The following BBS9 variants were observed in gnomAD, a reference collection of about 807,000 sequenced individuals.
The protein encoded by BBS9 is protein PTHB1.
In BBS9, 89 loss-of-function variants were observed where a neutral mutation model predicts 117.7. The ratio of observed to expected loss-of-function variants is 0.76; its 90% CI spans 0.64 to 0.90. The LOEUF (loss-of-function observed/expected upper bound fraction) is 0.90, where lower values mean the gene tolerates loss of function less well. BBS9 is among the 40% of genes least tolerant of loss of function. The probability of loss-of-function intolerance (pLI) is 0.00; values close to 1 mark genes in which losing one functional copy is unlikely to be tolerated. For synonymous variants in BBS9, 379 were observed against 370.9 expected, an observed-to-expected ratio of 1.02 and a Z score of -0.25; for missense variants, 982 against 1,042.2, an observed-to-expected ratio of 0.94 and a Z score of 0.80.
At position 33,264,067 on chromosome 7, in the gene BBS9, G is replaced by C. The variant is rs1236549319; in HGVS notation, c.618-223G>C. ...TTGGTAGAGCTGTTTTCCCAACACTGAATAATGGACATATGGTTATAATTT... is the reference window on the plus strand; with the variant it reads ...TTGGTAGAGCTGTTTTCCCAACACTCAATAATGGACATATGGTTATAATTT... On this transcript the variant is annotated intron_variant, in intron 6 of 22. Coordinates refer to ENST00000242067, the MANE Select transcript of BBS9 (RefSeq NM_198428.3). Among the ~76,000 whole-genome samples, 5 of 152,070 alleles carry C rather than the reference G, an allele frequency of 3.3e-5. No homozygotes were observed. In the South Asian group the frequency reaches 1.0e-3, roughly 32 times the overall value.
intron 5 of BBS9, among the ~76,000 whole-genome samples, chr7:33,249,068 C>T (rs1056734453): frequency 7.2e-5 from 11 of 152,096 alleles, no homozygotes; most frequent in African/African-American, 2.7e-4. Flanking sequence ...GTTTGCTACA[C>T]CACTTACTCT....
At chr7:33,500,529 A>G (rs1470662892) in intron 19 of BBS9, among the ~76,000 whole-genome samples, 1 of 152,124 alleles carries the variant, frequency 6.6e-6, no homozygotes, top group Non-Finnish European at 1.5e-5. Context: ...AGCAGTTCCT[A>G]TCTCAGAGGG....
chr7:33,439,689 C>T (rs896803465), intron 19 of BBS9, among the ~76,000 whole-genome samples: 1 of 152,054 alleles, frequency 6.6e-6, no homozygotes, highest in African/African-American at 2.4e-5. Context: ...CCACCACGCC[C>T]AGCTAATTTT....
At chr7:33,357,585 A>C (rs1584476077) in intron 15 of BBS9, 1 of 480,234 alleles carries the variant, frequency 2.1e-6, no homozygotes, top group East Asian at 4.2e-5. Flanking sequence ...ATAGTATCCA[A>C]ATGTGATGAT....
At chr7:33,614,835 A>G (rs967014184) in intron 21 of BBS9, among the ~76,000 whole-genome samples, 7 of 152,108 alleles carry the variant, frequency 4.6e-5, no homozygotes, top group African/African-American at 1.7e-4. Context: ...GTGAGAGGAA[A>G]TCAAACGATT....
chr7:33,307,759 CA>C lies in BBS9; in HGVS notation c.1017-28681del, dbSNP rs1808329950. Among the ~76,000 whole-genome samples, 8 of 144,372 alleles carry C rather than the reference CA, an allele frequency of 5.5e-5. 1 individual carries two copies. The South Asian group carries it at 1.8e-3, about 32-fold the overall frequency. 94.7% of individuals were successfully genotyped at this position (144,372 alleles called of 152,430 possible). ...GAAAAAAGTCTTTGCGTGTTCAGTG[CA>C]GATGCAGCCATCTTTTTTTTTTTTT... On this transcript the variant is annotated intron_variant, in intron 9 of 22. Transcript: ENST00000242067.
intron 12 of BBS9, 63 bp from the exon 13 acceptor site, chr7:33,349,005 A>G: frequency 8.6e-7 from 1 of 1,157,444 alleles, no homozygotes; most frequent in Non-Finnish European, 1.3e-6. Flanking sequence ...TTAAGTAGTT[A>G]CGATAGTCTA....
chr7:33,487,937 A>T (rs1276691887), intron 19 of BBS9, among the ~76,000 whole-genome samples: 1 of 152,248 alleles, frequency 6.6e-6, no homozygotes, highest in Non-Finnish European at 1.5e-5. Context: ...ATAATTATCA[A>T]TATCCGAGGT....
At chr7:33,236,785 T>C (rs956259519) in intron 5 of BBS9, among the ~76,000 whole-genome samples, 24 of 152,072 alleles carry the variant, frequency 1.6e-4, no homozygotes, top group African/African-American at 5.8e-4. Context: ...GTGAGAACAT[T>C]AAAAATCTGT....
intron 9 of BBS9, among the ~76,000 whole-genome samples, chr7:33,283,402 T>C (rs1802278901): frequency 6.6e-6 from 1 of 152,184 alleles, no homozygotes; most frequent in African/African-American, 2.4e-5. Flanking sequence ...CAATTAATTA[T>C]TTGTATATAT....
chr7:33,581,230 G>A (rs942973815), intron 21 of BBS9, among the ~76,000 whole-genome samples: 1 of 152,008 alleles, frequency 6.6e-6, no homozygotes, highest in African/African-American at 2.4e-5. Flanking sequence ...TAGGACACTT[G>A]TTTCAAAAAT....
At chr7:33,209,405 T>C (rs1431770304) in intron 5 of BBS9, among the ~76,000 whole-genome samples, 1 of 152,192 alleles carries the variant, frequency 6.6e-6, no homozygotes, top group East Asian at 1.9e-4. Flanking sequence ...GCAAGAAACA[T>C]AGGAGTGCAG....
chr7:33,571,388 A>G lies in BBS9; in HGVS notation c.2522-33477A>G, dbSNP rs564734362. 2.6e-5 allele frequency among the ~76,000 whole-genome samples: 4 copies of G among 152,256 alleles called. No homozygotes were observed. In the East Asian group the frequency reaches 7.7e-4, roughly 29 times the overall value. On this transcript the variant is annotated intron_variant, in intron 21 of 22. Coordinates refer to ENST00000242067, the MANE Select transcript of BBS9 (RefSeq NM_198428.3). ...AAAATATTAAAGGAGACAAGAAAAA[A>G]GAAGAAAATGGGAGGACAACTGGAA...
At chr7:33,395,722 A>G (rs1412254777) in intron 19 of BBS9, among the ~76,000 whole-genome samples, 1 of 152,142 alleles carries the variant, frequency 6.6e-6, no homozygotes, top group Non-Finnish European at 1.5e-5. Context: ...CACTCTGTTT[A>G]TTTGTATGGT....
At chr7:33,584,836 GAAATGTT>G (rs1407830799) in intron 21 of BBS9, among the ~76,000 whole-genome samples, 1 of 152,078 alleles carries the variant, frequency 6.6e-6, no homozygotes, top group East Asian at 1.9e-4. Context: ...GATCTTCCTA[GAAATGTT>G]AAATGTTCTA....
At chr7:33,338,015 C>A (rs1462864753) in intron 10 of BBS9, among the ~76,000 whole-genome samples, 1 of 151,876 alleles carries the variant, frequency 6.6e-6, no homozygotes, top group African/African-American at 2.4e-5. Flanking sequence ...TAGTGATGAC[C>A]TTGGGTGAGA....
At chr7:33,247,552 C>T (rs1240414885) in intron 5 of BBS9, among the ~76,000 whole-genome samples, 2 of 152,136 alleles carry the variant, frequency 1.3e-5, no homozygotes, top group Non-Finnish European at 2.9e-5. Context: ...TTGGGAAACT[C>T]TTTCTCAACC....
At chr7:33,419,883 C>T (rs904253089) in intron 19 of BBS9, among the ~76,000 whole-genome samples, 3 of 151,886 alleles carry the variant, frequency 2.0e-5, no homozygotes, top group African/African-American at 4.8e-5. Flanking sequence ...ATCTTTATGT[C>T]ACATCAAAGA....
At chr7:33,342,944 CA>C (rs1310098246) in intron 11 of BBS9, among the ~76,000 whole-genome samples, 1 of 151,986 alleles carries the variant, frequency 6.6e-6, no homozygotes, top group African/African-American at 2.4e-5. Flanking sequence ...GCACACATCT[CA>C]AAAAAGTAAT....
Sources: allele counts gnomAD v4.1 joint callset (sites outside exome capture counted in the v4.1 genomes callset), GRCh38; gene constraint gnomAD v4.1.1; transcripts MANE v1.5; gene names NCBI Gene and HGNC (gene_info 2026-07-23, HGNC 2026-07-21).